NUP88: variants seen among roughly 807,000 people sequenced by gnomAD.
NUP88 encodes the protein nuclear pore complex protein Nup88.
Under a neutral mutation model 93.9 loss-of-function variants are expected in NUP88, and 57 were observed. The ratio of observed to expected loss-of-function variants is 0.61; its 90% CI spans 0.49 to 0.76. NUP88 has a LOEUF of 0.76. Ranked by LOEUF, NUP88 falls within the 30% of genes least tolerant of loss-of-function variation. NUP88 has a pLI of 0.00. For missense variants in NUP88, 911 were observed against 901.0 expected (o/e 1.01, Z -0.14); for synonymous variants, 346 against 336.8 (o/e 1.03, Z -0.30).
intron 1 of NUP88, 49 bp downstream of exon 1, chr17:5,419,305 C>A (rs1914436506): frequency 6.7e-7 from 1 of 1,502,970 alleles, no homozygotes. Flanking sequence ...ACAAAAAAGA[C>A]TGGTTCCGAT....
chr17:5,407,997 G>GA lies in NUP88; in HGVS notation c.857+735dup, dbSNP rs1161881165. Among the ~76,000 whole-genome samples the GA allele has an allele frequency of 1.5e-4, 21 of 140,980 alleles. No homozygotes were observed. In the East Asian group the frequency reaches 2.2e-3, roughly 15 times the overall value. 92.5% of individuals were successfully genotyped at this position (140,980 alleles called of 152,430 possible). ...GGCTTCCTACTACCCTATTCCTACA[G>GA]AAAAAAAACCCACACTCACTCTTTT... On this transcript the variant is annotated intron_variant, in intron 5 of 16. Coordinates refer to ENST00000573584, the MANE Select transcript of NUP88 (RefSeq NM_002532.6).
intron 5 of NUP88, among the ~76,000 whole-genome samples, chr17:5,406,554 G>A (rs1228369031): frequency 1.3e-5 from 2 of 152,108 alleles, no homozygotes; most frequent in South Asian, 2.1e-4. Flanking sequence ...AGACATGGAA[G>A]GGTCCAAAAT....
At chr17:5,400,469 G>A (rs1375792872) in intron 7 of NUP88, among the ~76,000 whole-genome samples, 5 of 147,316 alleles carry the variant, frequency 3.4e-5, no homozygotes, top group South Asian at 4.3e-4. Flanking sequence ...GCAATCCAGC[G>A]TGGGCGAGAG....
At chr17:5,389,363 A>G (rs1912261658) in intron 10 of NUP88, among the ~76,000 whole-genome samples, 1 of 152,260 alleles carries the variant, frequency 6.6e-6, no homozygotes, top group African/African-American at 2.4e-5. Flanking sequence ...TTGGTTCTAT[A>G]TAATTTCATT....
chr17:5,414,119 C>T lies in NUP88; in HGVS notation c.483G>A (p.Ala161=), dbSNP rs763201921. The change falls in exon 3 of 17, where the codon GCG becomes GCA. Residue 161 remains alanine, a synonymous_variant. Transcript: ENST00000573584. ...STVNCSTTPV[A]ERFFTSSTSL... ...AGGTGGAACTGGTGAAAAATCTCTC[C>T]GCAACTGGAGTGGTACTAAAATAAA... is the stretch of plus-strand genomic sequence containing the variant. The T allele has an allele frequency of 8.1e-6, 13 of 1,613,330 alleles. No homozygotes were observed. The highest frequency in any genetic ancestry group is 6.7e-5 in the Admixed American group (4 of 59,982).
At chr17:5,404,819 T>C (rs1444621605) in intron 6 of NUP88, among the ~76,000 whole-genome samples, 1 of 152,162 alleles carries the variant, frequency 6.6e-6, no homozygotes, top group Non-Finnish European at 1.5e-5. Context: ...AAGATTGCAA[T>C]ATAGAGACCA....
chr17:5,411,610 A>T (rs1913849793), intron 3 of NUP88, among the ~76,000 whole-genome samples: 1 of 151,254 alleles, frequency 6.6e-6, no homozygotes, highest in Non-Finnish European at 1.5e-5. Context: ...AAACAAACAA[A>T]CCCAGTATCG....
chr17:5,401,634 G>C (rs1289650597), intron 7 of NUP88, among the ~76,000 whole-genome samples: 1 of 152,098 alleles, frequency 6.6e-6, no homozygotes, highest in Non-Finnish European at 1.5e-5. Context: ...GCTATAAAAA[G>C]TTTAAAAAAC....
At chr17:5,413,897 A>C in intron 3 of NUP88, 112 bp downstream of exon 3, 2 of 1,146,196 alleles carry the variant, frequency 1.7e-6, no homozygotes, top group Non-Finnish European at 2.5e-6. Flanking sequence ...CCATCCAATA[A>C]AAGCACTGAC....
chr17:5,396,308 C>T (rs1000112313), intron 8 of NUP88, among the ~76,000 whole-genome samples: 3 of 152,224 alleles, frequency 2.0e-5, no homozygotes, highest in African/African-American at 7.2e-5. Context: ...TCAGTTTCTA[C>T]CAAACTTCCC....
chr17:5,387,468 TA>T lies in NUP88; in HGVS notation c.1836-3del. The T allele has an allele frequency of 6.2e-7, 1 of 1,614,058 alleles. No individual in the cohort carries two copies. Among genetic ancestry groups the T allele is most frequent in the Non-Finnish European group, 8.5e-7 (1 of 1,179,878 alleles). ...TCAGCCATTTCCCGCAGACTTTTCC[TA>T]ATGATGTAAGACACAAGAGACTCTT... On this transcript the variant is annotated splice_polypyrimidine_tract_variant and splice_region_variant and intron_variant, in intron 13 of 16. Transcript: ENST00000573584.
At chr17:5,386,569 G>A in intron 16 of NUP88, 139 bp downstream of exon 16, 1 of 714,880 alleles carries the variant, frequency 1.4e-6, no homozygotes, top group Non-Finnish European at 2.5e-6. Context: ...AAGTCCCTAT[G>A]TATCATGTGG....
At position 5,386,987 on chromosome 17, in the gene NUP88, T is replaced by G. The variant is rs148786616; in HGVS notation, c.2040A>C (p.Lys680Asn). 2.4e-5 allele frequency: 38 copies of G among 1,613,894 alleles called. No individual in the cohort carries two copies. Among genetic ancestry groups the G allele is most frequent in the Non-Finnish European group, 3.1e-5 (37 of 1,179,986 alleles). The change falls in exon 15 of 17, where the codon AAA becomes AAC. Residue 680 changes from lysine (K) to asparagine (N), a missense_variant. Lys to Asn is a moderately conservative substitution (Grantham distance 94). Coordinates refer to ENST00000573584, the MANE Select transcript of NUP88 (RefSeq NM_002532.6). ...DQLRHLGNAI[K>N]QVTMKKDYQQ... ...GCTAGTTTGGATCTATTCCTACCTG[T>G]TTGATGGCATTGCCCAAATGTCGAA...
In NUP88 at chr17:5,385,942, T is replaced by C; in HGVS notation, c.*264A>G. On this transcript the variant is annotated 3_prime_UTR_variant, in exon 17 of 17. Coordinates refer to ENST00000573584, the MANE Select transcript of NUP88 (RefSeq NM_002532.6). The stretch of plus-strand genomic sequence containing the variant: ...CAAATATGGAGAAAACTCAATAGGG[T>C]TCAGGGAGGTTCTGGCAGTGTGCAG... 2.4e-6 allele frequency: 1 copy of C among 414,736 alleles called. No individual in the cohort carries two copies. The highest frequency in any genetic ancestry group is 6.3e-5 in the South Asian group (1 of 15,934). The allele number at this position is 414,736 out of a possible 1,614,324, so 25.7% of individuals were successfully genotyped here. A position where few individuals can be genotyped will look rare whatever the true frequency, so the allele number is the denominator to read the frequency against.
chr17:5,407,610 ATT>A (rs1913573763), intron 5 of NUP88, among the ~76,000 whole-genome samples: 1 of 152,124 alleles, frequency 6.6e-6, no homozygotes, highest in African/African-American at 2.4e-5. Flanking sequence ...TCATACCTCT[ATT>A]TTAATTCTTC....
intron 2 of NUP88, among the ~76,000 whole-genome samples, chr17:5,414,406 G>T (rs146967357): frequency 3.0e-4 from 45 of 152,046 alleles, no homozygotes; most frequent in Middle Eastern, 3.4e-3. Context: ...TGTTGGTCAG[G>T]CTGGTCTCAA....
At chr17:5,392,083 C>T (rs981485622) in intron 9 of NUP88, among the ~76,000 whole-genome samples, 1 of 152,262 alleles carries the variant, frequency 6.6e-6, no homozygotes, top group Non-Finnish European at 1.5e-5. Context: ...TTGGCACGCA[C>T]AGCGTGTATC....
Position 5,388,006 on chromosome 17 carries a change from AATTT to A in NUP88, c.1644-106_1644-103del, listed in dbSNP as rs574888919. 267 of 1,222,206 alleles carry A rather than the reference AATTT, an allele frequency of 2.2e-4. 1 individual carries two copies. In the African/African-American group the frequency reaches 3.5e-3, roughly 16 times the overall value. 75.7% of individuals were successfully genotyped at this position (1,222,206 alleles called of 1,614,324 possible). ...TGCTTTTTAAACTTTTTATATTTTT[AATTT>A]ATTTATTTGAGATGCAGTCTCGCTC... On this transcript the variant is annotated intron_variant, in intron 11 of 16. Transcript: ENST00000573584.
rs1381649228 is a variant in NUP88 at position 5,385,764 on chromosome 17, T to A, written c.*442A>T. 3.4e-5 allele frequency: 8 copies of A among 233,428 alleles called. No individual in the cohort carries two copies. The highest frequency in any genetic ancestry group is 1.8e-4 in the East Asian group (3 of 16,284). The allele number at this position is 233,428 out of a possible 1,614,324, so 14.5% of individuals were successfully genotyped here. A position where few individuals can be genotyped will look rare whatever the true frequency, so the allele number is the denominator to read the frequency against. On this transcript the variant is annotated 3_prime_UTR_variant, in exon 17 of 17. Transcript: ENST00000573584. ...CCATTTGTTAACTGTACTGAAGGTG[T>A]GTCCTCAAGAAGAAAGTGTTCAAAT...
Sources: gnomAD v4.1 joint callset for allele counts (sites outside exome capture counted in the v4.1 genomes callset) on GRCh38, gnomAD v4.1.1 for gene constraint, MANE v1.5 for transcripts, NCBI Gene and HGNC (gene_info 2026-07-23, HGNC 2026-07-21) for gene names.